The following PPP1CB variants were observed in gnomAD, a reference collection of about 807,000 sequenced individuals.
PPP1CB encodes serine/threonine-protein phosphatase PP1-beta catalytic subunit.
In PPP1CB, 2 loss-of-function variants were observed where a neutral mutation model predicts 43.7. The observed-to-expected ratio is 0.05, with a 90% CI of 0.02 to 0.14. PPP1CB has a LOEUF of 0.14. PPP1CB is among the 10% of genes least tolerant of loss of function. The probability of loss-of-function intolerance (pLI) is 1.00; values close to 1 mark genes in which losing one functional copy is unlikely to be tolerated. For synonymous variants in PPP1CB, 136 were observed against 135.6 expected (o/e 1.00, Z -0.02); for missense variants, 84 against 398.0 (o/e 0.21, Z 6.71).
chr2:28,798,866 T>A (rs1667549843), intron 7 of PPP1CB, among the ~76,000 whole-genome samples: 1 of 152,112 alleles, frequency 6.6e-6, no homozygotes, highest in African/African-American at 2.4e-5. Context: ...CCTAAGTTAC[T>A]GTATCAGAAT....
At chr2:28,754,373 C>G (rs1369905909) in intron 1 of PPP1CB, among the ~76,000 whole-genome samples, 5 of 151,558 alleles carry the variant, frequency 3.3e-5, no homozygotes, top group African/African-American at 1.2e-4. Context: ...GAATTGTAGT[C>G]CAGATACGTT....
At chr2:28,759,071 T>G (rs1043163882) in intron 1 of PPP1CB, among the ~76,000 whole-genome samples, 3 of 152,218 alleles carry the variant, frequency 2.0e-5, no homozygotes, top group Non-Finnish European at 4.4e-5. Flanking sequence ...AACAGTGGAC[T>G]TCATGTAAGG....
chr2:28,759,811 G>A (rs1666598479), intron 1 of PPP1CB, among the ~76,000 whole-genome samples: 2 of 151,948 alleles, frequency 1.3e-5, no homozygotes, highest in Admixed American at 1.3e-4. Context: ...TAGAGACGGG[G>A]TTTCACCGTG....
intron 6 of PPP1CB, among the ~76,000 whole-genome samples, chr2:28,789,109 A>G (rs866847618): frequency 5.9e-5 from 9 of 152,204 alleles, no homozygotes; most frequent in African/African-American, 2.2e-4. Flanking sequence ...AATGAGTTGT[A>G]CAAGGAAAGC....
intron 6 of PPP1CB, among the ~76,000 whole-genome samples, chr2:28,791,504 A>G (rs1262917074): frequency 6.6e-6 from 1 of 151,740 alleles, no homozygotes; most frequent in Admixed American, 6.6e-5. Flanking sequence ...TAGTTTTTGT[A>G]TTTTTAGTAG....
At chr2:28,798,867 G>T (rs1169987622) in intron 7 of PPP1CB, among the ~76,000 whole-genome samples, 1 of 152,064 alleles carries the variant, frequency 6.6e-6, no homozygotes, top group African/African-American at 2.4e-5. Context: ...CTAAGTTACT[G>T]TATCAGAATT....
At chr2:28,772,805 A>G (rs1034400315) in intron 1 of PPP1CB, among the ~76,000 whole-genome samples, 2 of 152,096 alleles carry the variant, frequency 1.3e-5, no homozygotes, top group African/African-American at 4.8e-5. Context: ...TCCAATGAGC[A>G]TTTTCTTTGA....
At chr2:28,762,722 A>G (rs959374506) in intron 1 of PPP1CB, among the ~76,000 whole-genome samples, 2 of 152,268 alleles carry the variant, frequency 1.3e-5, no homozygotes, top group African/African-American at 2.4e-5. Flanking sequence ...GATCTTACAC[A>G]TGACTTTATA....
At chr2:28,788,858 T>G (rs1273553633) in intron 6 of PPP1CB, 49 bp downstream of exon 6, 44 of 1,506,144 alleles carry the variant, frequency 2.9e-5, no homozygotes, top group Non-Finnish European at 3.2e-5. Flanking sequence ...TTCTTTTTTT[T>G]GGGGGCAGAC....
At chr2:28,783,670 T>G (rs1667202305) in intron 4 of PPP1CB, among the ~76,000 whole-genome samples, 2 of 151,598 alleles carry the variant, frequency 1.3e-5, no homozygotes, top group South Asian at 4.2e-4. Flanking sequence ...GGCAGGAGAA[T>G]CGCTCGAACC....
chr2:28,781,426 G>A, intron 3 of PPP1CB, among the ~76,000 whole-genome samples: 1 of 151,966 alleles, frequency 6.6e-6, no homozygotes, highest in Admixed American at 6.6e-5. Context: ...TTATACAATC[G>A]ATCTTCTGTA....
At chr2:28,761,728 C>T (rs1258742560) in intron 1 of PPP1CB, among the ~76,000 whole-genome samples, 2 of 152,080 alleles carry the variant, frequency 1.3e-5, no homozygotes, top group Non-Finnish European at 2.9e-5. Flanking sequence ...CATTATTCAG[C>T]GTTTATAATC....
chr2:28,792,006 G>A (rs926981045), intron 6 of PPP1CB, among the ~76,000 whole-genome samples: 3 of 152,102 alleles, frequency 2.0e-5, no homozygotes, highest in Non-Finnish European at 4.4e-5. Context: ...TGACCAGCCT[G>A]GGCAACACAG....
chr2:28,783,049 CAG>C (rs1667189687), intron 4 of PPP1CB, among the ~76,000 whole-genome samples: 1 of 152,136 alleles, frequency 6.6e-6, no homozygotes, highest in African/African-American at 2.4e-5. Flanking sequence ...GATTGCCTAT[CAG>C]AGAGAAATAA....
At chr2:28,779,615 A>G (rs928794855) in intron 3 of PPP1CB, among the ~76,000 whole-genome samples, 2 of 152,184 alleles carry the variant, frequency 1.3e-5, no homozygotes, top group African/African-American at 4.8e-5. Flanking sequence ...TACTAGGTTC[A>G]AATATGGTCT....
At chr2:28,779,912 A>G (rs1196727163) in intron 3 of PPP1CB, among the ~76,000 whole-genome samples, 1 of 151,686 alleles carries the variant, frequency 6.6e-6, no homozygotes, top group Admixed American at 6.6e-5. Context: ...TGGAGCTTAC[A>G]TTTTTTTTCC....
chr2:28,771,905 A>G (rs1320490797), intron 1 of PPP1CB, among the ~76,000 whole-genome samples: 1 of 152,164 alleles, frequency 6.6e-6, no homozygotes, highest in Admixed American at 6.6e-5. Context: ...CTGTTCATCA[A>G]AAGATAGCAT....
intron 7 of PPP1CB, among the ~76,000 whole-genome samples, chr2:28,795,224 A>G (rs1667475667): frequency 1.3e-5 from 2 of 152,136 alleles, no homozygotes; most frequent in South Asian, 4.1e-4. Context: ...TATGTACCAC[A>G]TTTTCTTTAT....
chr2:28,779,080 C>A, intron 3 of PPP1CB, 41 bp downstream of exon 3: 1 of 1,408,386 alleles, frequency 7.1e-7, no homozygotes, highest in Non-Finnish European at 9.8e-7. Context: ...TTCATGGAAA[C>A]ATTGCCTAAT....
Sources: allele counts gnomAD v4.1 joint callset (sites outside exome capture counted in the v4.1 genomes callset), GRCh38; gene constraint gnomAD v4.1.1; transcripts MANE v1.5; gene names NCBI Gene and HGNC (gene_info 2026-07-23, HGNC 2026-07-21).